Variants in RAP1B observed in about 807,000 individuals in gnomAD.
RAP1B encodes the protein RAP1B, member of RAS oncogene family.
RAP1B carries 1 observed loss-of-function variant against 27.5 expected under a neutral mutation model. The observed-to-expected ratio is 0.04, with a 90% CI of 0.01 to 0.17. RAP1B has a LOEUF of 0.17. Ranked by LOEUF, RAP1B falls within the 10% of genes least tolerant of loss-of-function variation. The probability of loss-of-function intolerance (pLI) is 1.00; values close to 1 mark genes in which losing one functional copy is unlikely to be tolerated. For synonymous variants in RAP1B, 75 were observed against 73.1 expected, an observed-to-expected ratio of 1.03 and a Z score of -0.13; for missense variants, 84 against 214.8, an observed-to-expected ratio of 0.39 and a Z score of 3.81.
rs913707215 is a variant in RAP1B at position 68,666,859 on chromosome 12, C to T, written c.*7610C>T. 1.3e-5 allele frequency: 2 copies of T among 152,134 alleles called. No individual in the cohort carries two copies. Among genetic ancestry groups the T allele is most frequent in the South Asian group, 4.1e-4 (2 of 4,820 alleles). The allele number at this position is 152,134 out of a possible 1,614,324, so 9.4% of individuals were successfully genotyped here. ...GTCTCCCTAGAGAGATCCTGAGCAC[C>T]TAGGAAAGCCCCAGAATTAAGCTAC... On this transcript the variant is annotated 3_prime_UTR_variant, in exon 8 of 8. Transcript: ENST00000250559.
Position 68,667,205 on chromosome 12 carries a change from A to G in RAP1B, c.*7956A>G, listed in dbSNP as rs780234948. 2.0e-5 allele frequency: 3 copies of G among 152,192 alleles called. No individual in the cohort carries two copies. The highest frequency in any genetic ancestry group is 2.9e-5 in the Non-Finnish European group (2 of 68,032). 9.4% of individuals were successfully genotyped at this position (152,192 alleles called of 1,614,324 possible). A position where few individuals can be genotyped will look rare whatever the true frequency, so the allele number is the denominator to read the frequency against. On this transcript the variant is annotated 3_prime_UTR_variant, in exon 8 of 8. Coordinates refer to ENST00000250559, the MANE Select transcript of RAP1B (RefSeq NM_001010942.3). ...TCTCACGCATCCCACCTTTAATCAG[A>G]CATATGTGATTCATATGAGAGAAAA... is the stretch of plus-strand genomic sequence containing the variant.
At chr12:68,627,070 T>C (rs768802229) in intron 1 of RAP1B, 9 of 1,593,850 alleles carry the variant, frequency 5.6e-6, no homozygotes, top group Non-Finnish European at 7.7e-6. Context: ...AGGGCCTCAA[T>C]CACATGCTCC....
At chr12:68,622,425 AG>A (rs1871448572) in intron 1 of RAP1B, among the ~76,000 whole-genome samples, 1 of 152,220 alleles carries the variant, frequency 6.6e-6, no homozygotes. Flanking sequence ...AAGGCCTAGA[AG>A]GTACTGCATA....
intron 1 of RAP1B, among the ~76,000 whole-genome samples, chr12:68,629,828 G>A (rs771784757): frequency 6.6e-6 from 1 of 152,174 alleles, no homozygotes; most frequent in African/African-American, 2.4e-5. Context: ...CATTCAGCAC[G>A]ATCATTCTCA....
intron 1 of RAP1B, among the ~76,000 whole-genome samples, chr12:68,626,065 G>T (rs1871752498): frequency 6.6e-6 from 1 of 152,112 alleles, no homozygotes; most frequent in Non-Finnish European, 1.5e-5. Context: ...CACTAATTCT[G>T]TTTATTTCTA....
At chr12:68,643,730 C>G (rs919735121) in intron 1 of RAP1B, among the ~76,000 whole-genome samples, 1 of 152,044 alleles carries the variant, frequency 6.6e-6, no homozygotes, top group Non-Finnish European at 1.5e-5. Flanking sequence ...AAGTCTACTT[C>G]TTAAAAATGC....
intron 1 of RAP1B, among the ~76,000 whole-genome samples, chr12:68,613,787 A>G (rs917881858): frequency 6.6e-6 from 1 of 152,242 alleles, no homozygotes; most frequent in African/African-American, 2.4e-5. Flanking sequence ...TGAACATTCA[A>G]AGAGAGGATA....
At chr12:68,629,221 T>C (rs1872056629) in intron 1 of RAP1B, among the ~76,000 whole-genome samples, 1 of 152,152 alleles carries the variant, frequency 6.6e-6, no homozygotes, top group Admixed American at 6.5e-5. Context: ...TCAAGCCATC[T>C]ACCTACCCCA....
intron 4 of RAP1B, among the ~76,000 whole-genome samples, chr12:68,652,926 G>C (rs1873918402): frequency 6.6e-6 from 1 of 152,020 alleles, no homozygotes; most frequent in East Asian, 1.9e-4. Context: ...TATTTTGATT[G>C]AGCTGGGTAT....
chr12:68,651,561 G>T (rs1242015777), intron 3 of RAP1B: 1 of 156,684 alleles, frequency 6.4e-6, no homozygotes, highest in Non-Finnish European at 1.4e-5. Flanking sequence ...CAGAAATCTT[G>T]TTCCAGTATG....
chr12:68,615,320 T>G (rs755650935), intron 1 of RAP1B, among the ~76,000 whole-genome samples: 1 of 152,174 alleles, frequency 6.6e-6, no homozygotes, highest in East Asian at 1.9e-4. Flanking sequence ...CAGTTTTTTT[T>G]AATTTAAATT....
intron 4 of RAP1B, 128 bp downstream of exon 4, chr12:68,652,179 C>A: frequency 1.5e-6 from 1 of 666,458 alleles, no homozygotes; most frequent in Non-Finnish European, 2.5e-6. Context: ...GTTGTAGTGG[C>A]TCACACCTCT....
intron 1 of RAP1B, among the ~76,000 whole-genome samples, chr12:68,612,433 G>T (rs1862445195): frequency 6.6e-6 from 1 of 152,078 alleles, no homozygotes; most frequent in Admixed American, 6.6e-5. Flanking sequence ...TTTAAGGGCC[G>T]GAAGGGACTA....
At position 68,665,088 on chromosome 12, in the gene RAP1B, G is replaced by C. The variant is rs574206903; in HGVS notation, c.*5839G>C. The C allele has an allele frequency of 4.6e-5, 7 of 152,278 alleles. No homozygotes were observed. The highest frequency in any genetic ancestry group is 1.7e-4 in the African/African-American group (7 of 41,566). The allele number at this position is 152,278 out of a possible 1,614,324, so 9.4% of individuals were successfully genotyped here. On this transcript the variant is annotated 3_prime_UTR_variant, in exon 8 of 8. Coordinates refer to ENST00000250559, the MANE Select transcript of RAP1B (RefSeq NM_001010942.3). ...AGGAACTCTTGAGCTCCGGTGGTTTGAGGCCAGCATGGATAACATAGGGAG... is the reference window on the plus strand; with the variant it reads ...AGGAACTCTTGAGCTCCGGTGGTTTCAGGCCAGCATGGATAACATAGGGAG...
Position 68,662,678 on chromosome 12 carries a change from A to G in RAP1B, c.*3429A>G, listed in dbSNP as rs1046171458. 6.6e-6 allele frequency: 1 copy of G among 152,008 alleles called. No homozygotes were observed. The highest frequency in any genetic ancestry group is 2.4e-5 in the African/African-American group (1 of 41,378). 9.4% of individuals were successfully genotyped at this position (152,008 alleles called of 1,614,324 possible). Reference sequence around the variant, plus strand: ...GGAGTTATAGTGTTTTACAATTAATACTCTTACTATTACCTTAGAAGCCTT... The same window carrying G: ...GGAGTTATAGTGTTTTACAATTAATGCTCTTACTATTACCTTAGAAGCCTT... On this transcript the variant is annotated 3_prime_UTR_variant, in exon 8 of 8. Transcript: ENST00000250559.
intron 1 of RAP1B, among the ~76,000 whole-genome samples, chr12:68,647,289 C>G (rs1873476878): frequency 6.8e-6 from 1 of 147,850 alleles, no homozygotes. Context: ...AATCCCAGCA[C>G]TTTGGGAGGC....
Position 68,659,394 on chromosome 12 carries a change from A to G in RAP1B, c.*145A>G, listed in dbSNP as rs1249177843. 3 of 422,010 alleles carry G rather than the reference A, an allele frequency of 7.1e-6. No homozygotes were observed. The highest frequency in any genetic ancestry group is 2.9e-5 in the Admixed American group (1 of 34,522). The allele number at this position is 422,010 out of a possible 1,614,324, so 26.1% of individuals were successfully genotyped here. ...ACCCTTTAAGAGGCGGATGAAAGCT[A>G]CTATATCAGTTTGCACATTCTAATC... is the stretch of plus-strand genomic sequence containing the variant. On this transcript the variant is annotated 3_prime_UTR_variant, in exon 8 of 8. Coordinates refer to ENST00000250559, the MANE Select transcript of RAP1B (RefSeq NM_001010942.3).
rs988719719 is a variant in RAP1B, at chr12:68,666,564, C to T, written c.*7315C>T. On this transcript the variant is annotated 3_prime_UTR_variant, in exon 8 of 8. Transcript: ENST00000250559. ...CTTTGTATCTCCTCCTCTCTATAAT[C>T]TTTCTTTTAAAAGGACAATTGTTTT... 2.6e-5 allele frequency: 4 copies of T among 152,204 alleles called. No individual in the cohort carries two copies. Among genetic ancestry groups the T allele is most frequent in the African/African-American group, 9.6e-5 (4 of 41,452 alleles). 9.4% of individuals were successfully genotyped at this position (152,204 alleles called of 1,614,324 possible).
rs1555174393 is a variant in RAP1B, at chr12:68,665,873, T to TTA, written c.*6624_*6625insTA. 2.0e-5 allele frequency: 3 copies of TTA among 151,396 alleles called. No homozygotes were observed. Among genetic ancestry groups the TTA allele is most frequent in the African/African-American group, 7.3e-5 (3 of 40,898 alleles). The allele number at this position is 151,396 out of a possible 1,614,324, so 9.4% of individuals were successfully genotyped here. Reference sequence around the variant, plus strand: ...AACAAGACATCTTTTTTTTTTTTTTTGAGAGAGTCTGGCTCTGTCACCCAG... The same window carrying TTA: ...AACAAGACATCTTTTTTTTTTTTTTTTAGAGAGAGTCTGGCTCTGTCACCCAG... On this transcript the variant is annotated 3_prime_UTR_variant, in exon 8 of 8. Coordinates refer to ENST00000250559, the MANE Select transcript of RAP1B (RefSeq NM_001010942.3).
Sources: allele counts gnomAD v4.1 joint callset (sites outside exome capture counted in the v4.1 genomes callset), GRCh38; gene constraint gnomAD v4.1.1; transcripts MANE v1.5; gene names NCBI Gene and HGNC (gene_info 2026-07-23, HGNC 2026-07-21).